Variants in YES1 observed in about 807,000 individuals in gnomAD.
YES1 encodes the protein tyrosine-protein kinase Yes.
A neutral mutation model predicts 70.4 loss-of-function variants in YES1; 39 were observed. The observed-to-expected ratio is 0.55, with a 90% confidence interval of 0.43 to 0.72. YES1 has a LOEUF of 0.72. YES1 is among the 30% of genes least tolerant of loss of function. The pLI is 0.00. For missense variants in YES1, 495 were observed against 644.8 expected, an observed-to-expected ratio of 0.77 and a Z score of 2.52; for synonymous variants, 198 against 218.6, an observed-to-expected ratio of 0.91 and a Z score of 0.83.
At chr18:768,727 G>A (rs1409736487) in intron 1 of YES1, among the ~76,000 whole-genome samples, 1 of 151,950 alleles carries the variant, frequency 6.6e-6, no homozygotes, top group Non-Finnish European at 1.5e-5. Flanking sequence ...TTTTGAGACA[G>A]GGTCTTGCTC....
chr18:733,560 G>A (rs1783959311), intron 10 of YES1, among the ~76,000 whole-genome samples: 1 of 151,826 alleles, frequency 6.6e-6, no homozygotes, highest in African/African-American at 2.4e-5. Flanking sequence ...GAGGTGAGTG[G>A]ATCATGAGGT....
At chr18:788,188 A>C (rs781097669) in intron 1 of YES1, among the ~76,000 whole-genome samples, 9 of 152,232 alleles carry the variant, frequency 5.9e-5, no homozygotes, top group Non-Finnish European at 1.3e-4. Context: ...GAATGGTTTT[A>C]TTCTAGTTCA....
chr18:735,293 T>A (rs956373013), intron 10 of YES1, among the ~76,000 whole-genome samples: 7 of 151,954 alleles, frequency 4.6e-5, no homozygotes, highest in Non-Finnish European at 8.8e-5. Flanking sequence ...ATGTGGCATA[T>A]ATACACCATG....
intron 1 of YES1, among the ~76,000 whole-genome samples, chr18:764,048 A>G (rs1160381881): frequency 6.7e-6 from 1 of 148,552 alleles, no homozygotes; most frequent in African/African-American, 2.5e-5. Flanking sequence ...TGAACCCGGG[A>G]GGCGGAGCTT....
At chr18:773,370 C>T (rs1390350900) in intron 1 of YES1, among the ~76,000 whole-genome samples, 1 of 152,110 alleles carries the variant, frequency 6.6e-6, no homozygotes, top group Non-Finnish European at 1.5e-5. Flanking sequence ...CAGAGTGGAA[C>T]CAAAAGGGCT....
rs869097372 is a variant in YES1, at chr18:745,693, GA to G, written c.724+14del. Reference sequence around the variant, plus strand: ...ATATGAAGAAATAATTTTTACCTTTGAAATATTCACATACCTGTGTAGTGTT... The same window carrying G: ...ATATGAAGAAATAATTTTTACCTTTGAATATTCACATACCTGTGTAGTGTT... On this transcript the variant is annotated intron_variant, in intron 6 of 11. Transcript: ENST00000314574. 1 of 1,582,816 alleles carries G rather than the reference GA, an allele frequency of 6.3e-7. No homozygotes were observed. The highest frequency in any genetic ancestry group is 8.6e-7 in the Non-Finnish European group (1 of 1,169,544).
At chr18:795,977 A>C (rs183130628) in intron 1 of YES1, among the ~76,000 whole-genome samples, 156 of 152,092 alleles carry the variant, frequency 1.0e-3, no homozygotes, top group African/African-American at 3.4e-3. Flanking sequence ...ACAAAAGTTC[A>C]GAGTCTATAT....
intron 1 of YES1, among the ~76,000 whole-genome samples, chr18:780,383 C>T (rs1271360243): frequency 6.6e-6 from 1 of 151,978 alleles, no homozygotes; most frequent in East Asian, 1.9e-4. Context: ...CATGGGTCAT[C>T]ATGGGAGTAC....
chr18:788,285 C>T (rs1057375240), intron 1 of YES1, among the ~76,000 whole-genome samples: 2 of 152,000 alleles, frequency 1.3e-5, no homozygotes, highest in African/African-American at 4.8e-5. Flanking sequence ...ACATGGGGAG[C>T]CTTTTAGCGT....
At chr18:764,772 A>G (rs757017349) in intron 1 of YES1, among the ~76,000 whole-genome samples, 7 of 151,556 alleles carry the variant, frequency 4.6e-5, no homozygotes, top group East Asian at 2.0e-4. Context: ...TCGTTCTGTC[A>G]CCCAGGCTGG....
intron 10 of YES1, chr18:735,755 G>A (rs1310905637): frequency 6.6e-6 from 1 of 152,124 alleles, no homozygotes; most frequent in African/African-American, 2.4e-5. Flanking sequence ...ATTGGGTACA[G>A]TGCAAGATGC....
rs561159580 is a variant in YES1, at chr18:757,420, G to A, written c.-8-585C>T. Among the ~76,000 whole-genome samples the A allele has an allele frequency of 1.6e-3, 243 of 150,190 alleles. 1 individual carries two copies. The highest frequency in any genetic ancestry group is 1.2e-3 in the East Asian group (6 of 5,062). Reference sequence around the variant, plus strand: ...CGGGAGGCTGAGGCAGGAGAATGGCGTGAACCCGGGAGGCGGAGCTTGCAG... The same window carrying A: ...CGGGAGGCTGAGGCAGGAGAATGGCATGAACCCGGGAGGCGGAGCTTGCAG... On this transcript the variant is annotated intron_variant, in intron 1 of 11. Transcript: ENST00000314574.
At chr18:749,858 CA>C (rs5822576) in intron 3 of YES1, among the ~76,000 whole-genome samples, 52,622 of 116,258 alleles carry the variant, frequency 0.45, 9,441 homozygotes, top group Middle Eastern at 0.5. Context: ...GACTCCGTCT[CA>C]AAAAAAAAAA....
chr18:807,716 G>A (rs1226910936), intron 1 of YES1, among the ~76,000 whole-genome samples: 1 of 152,140 alleles, frequency 6.6e-6, no homozygotes, highest in Non-Finnish European at 1.5e-5. Context: ...AGAATGCAGA[G>A]TTCCTACTAG....
At chr18:777,518 T>C (rs1905440399) in intron 1 of YES1, among the ~76,000 whole-genome samples, 1 of 152,162 alleles carries the variant, frequency 6.6e-6, no homozygotes, top group Non-Finnish European at 1.5e-5. Context: ...CAGAATTACT[T>C]ATATCAGGCC....
chr18:745,698 A>G lies in YES1; in HGVS notation c.724+10T>C. 1 of 1,585,848 alleles carries G rather than the reference A, an allele frequency of 6.3e-7. No homozygotes were observed. The highest frequency in any genetic ancestry group is 8.5e-7 in the Non-Finnish European group (1 of 1,170,980). ...AAGAAATAATTTTTACCTTTGAAATATTCACATACCTGTGTAGTGTTTCAC... is the reference window on the plus strand; with the variant it reads ...AAGAAATAATTTTTACCTTTGAAATGTTCACATACCTGTGTAGTGTTTCAC... On this transcript the variant is annotated intron_variant, in intron 6 of 11. Coordinates refer to ENST00000314574, the MANE Select transcript of YES1 (RefSeq NM_005433.4).
chr18:810,806 T>C (rs1907334897), intron 1 of YES1, among the ~76,000 whole-genome samples: 2 of 152,160 alleles, frequency 1.3e-5, no homozygotes, highest in South Asian at 4.1e-4. Context: ...AAAAACCATA[T>C]ATATTATTTG....
At chr18:791,697 T>A (rs1906258303) in intron 1 of YES1, among the ~76,000 whole-genome samples, 1 of 152,228 alleles carries the variant, frequency 6.6e-6, no homozygotes, top group South Asian at 2.1e-4. Context: ...TCAAAAATGT[T>A]ATCAACATGC....
chr18:744,689 C>CTTTTTTTT (rs71174284), intron 6 of YES1, among the ~76,000 whole-genome samples: 3 of 56,876 alleles, frequency 5.3e-5, no homozygotes, highest in African/African-American at 6.2e-5. Flanking sequence ...CACGCCTGGC[C>CTTTTTTTT]TTTTTTTTTT....
Sources: gnomAD v4.1 joint callset for allele counts (sites outside exome capture counted in the v4.1 genomes callset) on GRCh38, gnomAD v4.1.1 for gene constraint, MANE v1.5 for transcripts, NCBI Gene and HGNC (gene_info 2026-07-23, HGNC 2026-07-21) for gene names.